The following SPICE1 variants were observed in gnomAD, a reference collection of about 807,000 sequenced individuals.
SPICE1 encodes the protein spindle and centriole-associated protein 1.
In SPICE1, 75 loss-of-function variants were observed where a neutral mutation model predicts 102.7. The ratio of observed to expected loss-of-function variants is 0.73; its 90% CI spans 0.61 to 0.88. SPICE1 has a LOEUF of 0.88. Ranked by LOEUF, SPICE1 falls within the 40% of genes least tolerant of loss-of-function variation. SPICE1 has a pLI of 0.00. For synonymous variants in SPICE1, 308 were observed against 350.3 expected, an observed-to-expected ratio of 0.88 and a Z score of 1.35; for missense variants, 979 against 1,020.1, an observed-to-expected ratio of 0.96 and a Z score of 0.55.
chr3:113,475,402 G>T (rs1290370616), intron 7 of SPICE1, among the ~76,000 whole-genome samples: 1 of 151,772 alleles, frequency 6.6e-6, no homozygotes, highest in Non-Finnish European at 1.5e-5. Context: ...CCAATCAATA[G>T]AAAAAGAGGG....
chr3:113,450,060 C>G (rs1330709277), intron 15 of SPICE1: 1 of 431,924 alleles, frequency 2.3e-6, no homozygotes, highest in African/African-American at 2.0e-5. Flanking sequence ...GTGAACCGTA[C>G]ACTATAATGA....
chr3:113,502,633 T>A (rs1416560640), intron 3 of SPICE1, among the ~76,000 whole-genome samples: 3 of 132,070 alleles, frequency 2.3e-5, no homozygotes, highest in Non-Finnish European at 4.6e-5. Flanking sequence ...GTAAATTTCA[T>A]GGTATGTGAA....
rs549163918 is a variant in SPICE1 at position 113,453,706 on chromosome 3, G to A, written c.1902C>T (p.Asn634=). Residue 634 remains asparagine, a synonymous_variant, in exon 14 of 18, where the codon AAC becomes AAT. Transcript: ENST00000295872. ...ATGTGGGGCTTCTTGACTGTTGAGT[G>A]TTGGAATGGGAATTGCAGAGGGGCT... The part of the protein sequence containing the change: ...LSQPLCNSHS[N]TQQSRSPTFS... 1.2e-6 allele frequency: 2 copies of A among 1,614,150 alleles called. No individual in the cohort carries two copies. Among genetic ancestry groups the A allele is most frequent in the East Asian group, 2.2e-5 (1 of 44,878 alleles).
chr3:113,481,124 CAGATG>C (rs1306715400), intron 7 of SPICE1, among the ~76,000 whole-genome samples: 1 of 152,026 alleles, frequency 6.6e-6, no homozygotes, highest in East Asian at 1.9e-4. Context: ...TGTCTATTTG[CAGATG>C]AGATGACAGT....
intron 7 of SPICE1, among the ~76,000 whole-genome samples, chr3:113,484,953 T>C (rs1263004948): frequency 6.6e-6 from 1 of 152,152 alleles, no homozygotes; most frequent in African/African-American, 2.4e-5. Flanking sequence ...TGTCTAATAC[T>C]GACCATAAAG....
Position 113,475,637 on chromosome 3 carries a change from A to T in SPICE1, c.612-6399T>A, listed in dbSNP as rs535377126. On this transcript the variant is annotated intron_variant, in intron 7 of 17. Coordinates refer to ENST00000295872, the MANE Select transcript of SPICE1 (RefSeq NM_144718.4). ...ATGCAAGGCTGGTTCAATATACGCA[A>T]ATCAATAAATGTAATCCAGCATATA... is the stretch of plus-strand genomic sequence containing the variant. Among the ~76,000 whole-genome samples, 523 of 152,268 alleles carry T rather than the reference A, an allele frequency of 3.4e-3. 3 individuals carry two copies. The highest frequency in any genetic ancestry group is 0.012 in the African/African-American group (482 of 41,554).
Position 113,443,606 on chromosome 3 carries a change from A to G in SPICE1, c.*1701T>C, listed in dbSNP as rs1935441135. 1 of 152,166 alleles carries G rather than the reference A, an allele frequency of 6.6e-6. No individual in the cohort carries two copies. The highest frequency in any genetic ancestry group is 1.5e-5 in the Non-Finnish European group (1 of 68,048). The allele number at this position is 152,166 out of a possible 1,614,324, so 9.4% of individuals were successfully genotyped here. The stretch of plus-strand genomic sequence containing the variant: ...CCACAGTAATGGCTCAATAAGGAAC[A>G]GCTATTCTTATTATTATGCTGCTTC... On this transcript the variant is annotated 3_prime_UTR_variant, in exon 18 of 18. Transcript: ENST00000295872.
rs180908490 is a variant in SPICE1 at position 113,503,657 on chromosome 3, G to A, written c.100-430C>T. 1.1e-4 allele frequency among the ~76,000 whole-genome samples: 17 copies of A among 152,254 alleles called. 2 individuals carry two copies. Among genetic ancestry groups the A allele is most frequent in the Admixed American group, 9.8e-4 (15 of 15,294 alleles). ...AAAAGAAAGTGAGATCACTGGCTGG[G>A]TACAGTGGCTCATGCCTGTAATCCC... On this transcript the variant is annotated intron_variant, in intron 2 of 17. Transcript: ENST00000295872.
rs555744363 is a variant in SPICE1, at chr3:113,442,995, C to T, written c.*2312G>A. ...AGACATCTTTTCAGGTGAAATACCT[C>T]TAAATTTCAAGCACTGTGTGCAATT... On this transcript the variant is annotated 3_prime_UTR_variant, in exon 18 of 18. Coordinates refer to ENST00000295872, the MANE Select transcript of SPICE1 (RefSeq NM_144718.4). 1 of 152,232 alleles carries T rather than the reference C, an allele frequency of 6.6e-6. No homozygotes were observed. The highest frequency in any genetic ancestry group is 1.9e-4 in the East Asian group (1 of 5,190). 9.4% of individuals were successfully genotyped at this position (152,232 alleles called of 1,614,324 possible).
Position 113,468,336 on chromosome 3 carries a change from A to T in SPICE1, c.958T>A (p.Ser320Thr), listed in dbSNP as rs1402762725. The T allele has an allele frequency of 2.5e-6, 4 of 1,614,178 alleles. No homozygotes were observed. The Admixed American group carries it at 6.7e-5, about 27-fold the overall frequency. The change falls in exon 10 of 18, where the codon TCT becomes ACT. Residue 320 changes from serine to threonine, a missense_variant. Coordinates refer to ENST00000295872, the MANE Select transcript of SPICE1 (RefSeq NM_144718.4). ...KKNISSGSTT[S>T]ADLPNRTNSN... ...TTAGTCCTATTTGGTAAGTCTGCAG[A>T]GGTTGTGCTACCTGATGATATGTTT...
intron 7 of SPICE1, among the ~76,000 whole-genome samples, chr3:113,480,504 C>G (rs1039473908): frequency 3.3e-5 from 5 of 151,970 alleles, no homozygotes; most frequent in African/African-American, 1.2e-4. Context: ...ATGAAAATAA[C>G]ACATCATGGC....
chr3:113,502,244 C>T (rs6790978), intron 3 of SPICE1, among the ~76,000 whole-genome samples: 6,236 of 152,164 alleles, frequency 0.041, 418 homozygotes, highest in African/African-American at 0.14. Context: ...GGCGTGGTGG[C>T]ATGCACCTGT....
At chr3:113,459,821 G>A (rs1935883029) in intron 12 of SPICE1, 2 of 934,202 alleles carry the variant, frequency 2.1e-6, no homozygotes, top group Non-Finnish European at 2.6e-6. Context: ...GGCGGAGGTT[G>A]CAGTAAGCCG....
At chr3:113,463,069 T>A (rs1935969855) in intron 11 of SPICE1, among the ~76,000 whole-genome samples, 1 of 152,124 alleles carries the variant, frequency 6.6e-6, no homozygotes, top group African/African-American at 2.4e-5. Flanking sequence ...CCCAGACTGC[T>A]CTTCTCTCAG....
intron 1 of SPICE1, among the ~76,000 whole-genome samples, chr3:113,510,298 G>A (rs1231805720): frequency 6.6e-6 from 1 of 152,098 alleles, no homozygotes; most frequent in African/African-American, 2.4e-5. Flanking sequence ...AACCAAAAAA[G>A]AGCCCATATG....
chr3:113,489,867 A>C (rs1354937871), intron 6 of SPICE1, among the ~76,000 whole-genome samples: 1 of 146,846 alleles, frequency 6.8e-6, no homozygotes, highest in African/African-American at 2.6e-5. Flanking sequence ...AAAAAAAAAA[A>C]AACGCTACTT....
At chr3:113,473,307 T>G (rs370665551) in intron 7 of SPICE1, among the ~76,000 whole-genome samples, 2 of 152,284 alleles carry the variant, frequency 1.3e-5, no homozygotes, top group Admixed American at 6.5e-5. Context: ...AATCTACGTC[T>G]GATTGGTGTA....
chr3:113,514,347 A>C (rs1576655027), intron 1 of SPICE1: 1 of 256,882 alleles, frequency 3.9e-6, no homozygotes, highest in East Asian at 1.2e-4. Context: ...AACTCTTTCC[A>C]AACACTGTTG....
At chr3:113,469,913 G>A (rs1360111988) in intron 7 of SPICE1, among the ~76,000 whole-genome samples, 1 of 152,136 alleles carries the variant, frequency 6.6e-6, no homozygotes, top group Non-Finnish European at 1.5e-5. Context: ...CCTGTCCACA[G>A]AGCAGCCAGT....
Sources: gnomAD v4.1 joint callset for allele counts (sites outside exome capture counted in the v4.1 genomes callset) on GRCh38, gnomAD v4.1.1 for gene constraint, MANE v1.5 for transcripts, NCBI Gene and HGNC (gene_info 2026-07-23, HGNC 2026-07-21) for gene names.